Variants in NMS observed in about 807,000 individuals in gnomAD.
NMS encodes the protein neuromedin-S.
Under a neutral mutation model 32.2 loss-of-function variants are expected in NMS, and 30 were observed. The ratio of observed to expected loss-of-function variants is 0.93; its 90% confidence interval spans 0.70 to 1.26. The LOEUF is 1.26. Ranked by LOEUF, NMS falls within the 50% of genes most tolerant of loss-of-function variation. The pLI is 0.00. For missense variants in NMS, 190 were observed against 186.3 expected (o/e 1.02, Z -0.12); for synonymous variants, 76 against 58.5 (o/e 1.30, Z -1.37).
chr2:100,477,487 T>C (rs1573236047), intron 5 of NMS, 73 bp downstream of exon 5: 7 of 1,142,440 alleles, frequency 6.1e-6, no homozygotes, highest in Admixed American at 6.1e-5. Context: ...TTTCTTAATA[T>C]GTGCAGACAA....
intron 1 of NMS, 23 bp from the exon 2 acceptor site, chr2:100,472,772 A>G (rs774617670): frequency 6.5e-7 from 1 of 1,529,484 alleles, no homozygotes; most frequent in East Asian, 2.2e-5. Flanking sequence ...TCTAATTAAT[A>G]ATTTTATGAT....
chr2:100,482,989 G>A (rs754554899), intron 9 of NMS, among the ~76,000 whole-genome samples: 6 of 152,314 alleles, frequency 3.9e-5, no homozygotes, highest in Non-Finnish European at 8.8e-5. Context: ...CTGTTCCACT[G>A]CTGGGAAATG....
intron 3 of NMS, among the ~76,000 whole-genome samples, chr2:100,474,089 C>T (rs147411566): frequency 2.3e-4 from 35 of 152,180 alleles, no homozygotes; most frequent in African/African-American, 7.7e-4. Flanking sequence ...TGCTTGAACC[C>T]GGGAGGCGGA....
At chr2:100,477,095 T>G in intron 3 of NMS, 149 bp from the exon 4 acceptor site, 1 of 666,164 alleles carries the variant, frequency 1.5e-6, no homozygotes, top group East Asian at 2.7e-5. Context: ...CTCATTAAAT[T>G]TACGTAATAA....
At chr2:100,473,347 G>T in intron 2 of NMS, 142 bp from the exon 3 acceptor site, 1 of 349,264 alleles carries the variant, frequency 2.9e-6, no homozygotes, top group Non-Finnish European at 5.4e-6. Flanking sequence ...CATAGATTAT[G>T]GTTTATACTA....
chr2:100,481,265 T>C (rs1677210988), intron 8 of NMS, 98 bp downstream of exon 8: 2 of 1,091,356 alleles, frequency 1.8e-6, no homozygotes, highest in East Asian at 2.4e-5. Context: ...GACCCCTTGG[T>C]AAACTGGTGG....
chr2:100,470,611 G>A (rs915030169), intron 1 of NMS, 47 bp downstream of exon 1: 3 of 1,446,744 alleles, frequency 2.1e-6, no homozygotes, highest in Non-Finnish European at 2.9e-6. Flanking sequence ...CTCTGAGGAT[G>A]TCTGAGACAG....
intron 9 of NMS, among the ~76,000 whole-genome samples, 172 bp from the exon 10 acceptor site, chr2:100,483,080 C>G (rs963284779): frequency 6.6e-6 from 1 of 152,194 alleles, no homozygotes; most frequent in Non-Finnish European, 1.5e-5. Context: ...ATTAGATAGA[C>G]CAAAAACAAA....
intron 3 of NMS, among the ~76,000 whole-genome samples, chr2:100,474,181 A>G (rs2104332243): frequency 6.6e-6 from 1 of 152,238 alleles, no homozygotes; most frequent in East Asian, 1.9e-4. Context: ...ATGAAAACAA[A>G]AAACTTTACA....
intron 3 of NMS, among the ~76,000 whole-genome samples, chr2:100,476,698 A>C (rs756144637): frequency 1.1e-4 from 17 of 152,150 alleles, no homozygotes; most frequent in Non-Finnish European, 1.9e-4. Context: ...TCTTCCCGGC[A>C]TCTCCTTGAG....
chr2:100,476,350 T>C (rs1677109218), intron 3 of NMS, among the ~76,000 whole-genome samples: 1 of 152,176 alleles, frequency 6.6e-6, no homozygotes, highest in Non-Finnish European at 1.5e-5. Flanking sequence ...TTACAGTGTG[T>C]GTCTGTGTGT....
At position 100,479,495 on chromosome 2, in the gene NMS, G is replaced by C. The variant is rs77313694; in HGVS notation, c.336+68G>C. 6.8e-4 allele frequency: 924 copies of C among 1,360,514 alleles called. 9 individuals carry two copies. The East Asian group carries it at 0.015, about 22-fold the overall frequency. 84.3% of individuals were successfully genotyped at this position (1,360,514 alleles called of 1,614,324 possible). ...GTTCATTGAATCGTGGTAAAAGCATGCTGTCACCTTGGGGCTTGCTGTCAT... is the reference window on the plus strand; with the variant it reads ...GTTCATTGAATCGTGGTAAAAGCATCCTGTCACCTTGGGGCTTGCTGTCAT... On this transcript the variant is annotated intron_variant, in intron 6 of 9. Transcript: ENST00000376865.
At chr2:100,483,123 T>C in intron 9 of NMS, 129 bp from the exon 10 acceptor site, 1 of 769,946 alleles carries the variant, frequency 1.3e-6, no homozygotes, top group Non-Finnish European at 2.2e-6. Context: ...GAAAGCAACC[T>C]GGGCATTTAT....
rs1677251600 is a variant in NMS at position 100,483,172 on chromosome 2, A to G, written c.450-80A>G. 7.0e-6 allele frequency: 9 copies of G among 1,284,188 alleles called. No homozygotes were observed. In the South Asian group the frequency reaches 7.6e-5, roughly 11 times the overall value. The allele number at this position is 1,284,188 out of a possible 1,614,324, so 79.5% of individuals were successfully genotyped here. Reference sequence around the variant, plus strand: ...GAGGTCTAATTGTAAAATATGTTACATAATAACCTGCCCATGGGCTTTGTC... The same window carrying G: ...GAGGTCTAATTGTAAAATATGTTACGTAATAACCTGCCCATGGGCTTTGTC... On this transcript the variant is annotated intron_variant, in intron 9 of 9. Coordinates refer to ENST00000376865, the MANE Select transcript of NMS (RefSeq NM_001011717.1).
intron 7 of NMS, 29 bp from the exon 8 acceptor site, chr2:100,481,097 A>G: frequency 2.5e-6 from 4 of 1,613,504 alleles, no homozygotes; most frequent in Non-Finnish European, 3.4e-6. Context: ...ATATGGTTGC[A>G]TAATGGCTTG....
At position 100,482,402 on chromosome 2, in the gene NMS, G is replaced by C. The variant is rs542876209; in HGVS notation, c.449+91G>C. The C allele has an allele frequency of 1.2e-5, 14 of 1,212,626 alleles. No individual in the cohort carries two copies. The East Asian group carries it at 3.3e-4, about 28-fold the overall frequency. The allele number at this position is 1,212,626 out of a possible 1,614,324, so 75.1% of individuals were successfully genotyped here. Reference sequence around the variant, plus strand: ...GGAGAGAGTGAGAGGCAGCCATGGGGAGGACCATTGTTCAAGAAATGAGGA... The same window carrying C: ...GGAGAGAGTGAGAGGCAGCCATGGGCAGGACCATTGTTCAAGAAATGAGGA... On this transcript the variant is annotated intron_variant, in intron 9 of 9. Transcript: ENST00000376865.
At chr2:100,473,977 A>C (rs1320095223) in intron 3 of NMS, among the ~76,000 whole-genome samples, 1 of 152,114 alleles carries the variant, frequency 6.6e-6, no homozygotes, top group Non-Finnish European at 1.5e-5. Context: ...CAGGAGCTTG[A>C]GTCCAGCCTG....
chr2:100,478,714 T>C (rs1423725966), intron 5 of NMS, among the ~76,000 whole-genome samples: 1 of 152,210 alleles, frequency 6.6e-6, no homozygotes, highest in Non-Finnish European at 1.5e-5. Context: ...TCCACCCACA[T>C]TGGCCTCCCA....
Position 100,480,504 on chromosome 2 carries a change from G to T in NMS, c.345G>T (p.Gly115=), listed in dbSNP as rs1677196989. ...RMKRILQRGS[G]TAAVDFTKKD... is the part of the protein sequence containing the mutation. Reference sequence around the variant, plus strand: ...GCCTCATTTCCTTGCAGGGCTCGGGGACTGCTGCAGTGGACTTCACCAAGA... The same window carrying T: ...GCCTCATTTCCTTGCAGGGCTCGGGTACTGCTGCAGTGGACTTCACCAAGA... Residue 115 remains glycine, a synonymous_variant, in exon 7 of 10, where the codon GGG becomes GGT. Transcript: ENST00000376865. The T allele has an allele frequency of 6.2e-7, 1 of 1,613,338 alleles. No homozygotes were observed. The highest frequency in any genetic ancestry group is 1.1e-5 in the South Asian group (1 of 91,030).
Sources: gnomAD v4.1 joint callset for allele counts (sites outside exome capture counted in the v4.1 genomes callset) on GRCh38, gnomAD v4.1.1 for gene constraint, MANE v1.5 for transcripts, NCBI Gene and HGNC (gene_info 2026-07-23, HGNC 2026-07-21) for gene names.